The following ITPR2 variants were observed in gnomAD, a reference collection of about 807,000 sequenced individuals.
ITPR2 encodes inositol 1,4,5-trisphosphate-gated calcium channel ITPR2.
In ITPR2, 207 loss-of-function variants were observed where a neutral mutation model predicts 317.1. The observed-to-expected ratio is 0.65, with a 90% CI of 0.58 to 0.73. The LOEUF (loss-of-function observed/expected upper bound fraction) is 0.73, where lower values mean the gene tolerates loss of function less well. ITPR2 is among the 30% of genes least tolerant of loss of function. The probability of loss-of-function intolerance (pLI) is 0.00; values close to 1 mark genes in which losing one functional copy is unlikely to be tolerated. For synonymous variants in ITPR2, 1,156 were observed against 1,149.1 expected (o/e 1.01, Z -0.12); for missense variants, 2,613 against 3,284.0 (o/e 0.80, Z 4.99).
In ITPR2 at chr12:26,599,289, G is replaced by A. The variant is rs776807232; in HGVS notation, c.3858C>T (p.Asn1286=). The A allele has an allele frequency of 9.3e-6, 15 of 1,613,930 alleles. No homozygotes were observed. Among genetic ancestry groups the A allele is most frequent in the South Asian group, 3.3e-5 (3 of 91,086 alleles). ...GTTGTACAACTCTCTCGCTAATTTC[G>A]TTGCACAGATGGTAATTGTTCATGA... ...HIFMNNYHLC[N]EISERVVQHF... The change falls in exon 30 of 57, where the codon AAC becomes AAT. Residue 1286 remains asparagine (N), a synonymous_variant. Transcript: ENST00000381340.
intron 32 of ITPR2, among the ~76,000 whole-genome samples, chr12:26,587,393 T>C (rs190832493): frequency 2.4e-4 from 36 of 152,084 alleles, no homozygotes; most frequent in Admixed American, 2.4e-3. Context: ...TATAGGGTGG[T>C]TGGCAAAGCC....
chr12:26,586,899 A>G (rs888506284), intron 32 of ITPR2, among the ~76,000 whole-genome samples: 2 of 152,146 alleles, frequency 1.3e-5, no homozygotes, highest in African/African-American at 4.8e-5. Flanking sequence ...TTGTCATAAT[A>G]GTGGCAATAG....
At chr12:26,612,605 C>T (rs1449947036) in intron 26 of ITPR2, among the ~76,000 whole-genome samples, 1 of 152,144 alleles carries the variant, frequency 6.6e-6, no homozygotes, top group African/African-American at 2.4e-5. Context: ...TATATAGGTA[C>T]CATTCTCCCA....
chr12:26,592,084 T>C (rs979625657), intron 32 of ITPR2, among the ~76,000 whole-genome samples: 1 of 152,124 alleles, frequency 6.6e-6, no homozygotes, highest in Non-Finnish European at 1.5e-5. Flanking sequence ...AAGAATGTGA[T>C]CCAGTCATCT....
chr12:26,649,278 GC>G (rs1250795566), intron 21 of ITPR2: 2 of 151,944 alleles, frequency 1.3e-5, no homozygotes, highest in Non-Finnish European at 2.9e-5. Context: ...TAGACATCAT[GC>G]CCTTTCAACT....
chr12:26,542,241 C>A (rs1944283755), intron 37 of ITPR2, among the ~76,000 whole-genome samples: 1 of 152,192 alleles, frequency 6.6e-6, no homozygotes, highest in Admixed American at 6.5e-5. Context: ...ATGGATTATG[C>A]TTTCCAGTAC....
intron 2 of ITPR2, among the ~76,000 whole-genome samples, chr12:26,759,747 A>G (rs993571197): frequency 1.3e-5 from 2 of 152,238 alleles, no homozygotes; most frequent in Admixed American, 6.5e-5. Context: ...CCTCCACATC[A>G]TCTTTTCTAA....
rs1946231569 is a variant in ITPR2, at chr12:26,610,254, A to T, written c.3463-7548T>A. Among the ~76,000 whole-genome samples the T allele has an allele frequency of 1.3e-5, 2 of 152,226 alleles. 1 individual carries two copies. Among genetic ancestry groups the T allele is most frequent in the South Asian group, 4.1e-4 (2 of 4,836 alleles). The stretch of plus-strand genomic sequence containing the variant: ...ATCGATCACAAGTTTGGCTGAAGAA[A>T]CAAGTTTATGTAGAACTATTTTCCC... On this transcript the variant is annotated intron_variant, in intron 26 of 56. Coordinates refer to ENST00000381340, the MANE Select transcript of ITPR2 (RefSeq NM_002223.4).
At position 26,487,174 on chromosome 12, in the gene ITPR2, A is replaced by T. The variant is rs778926866; in HGVS notation, c.5448T>A (p.Ala1816=). 2 of 1,613,270 alleles carry T rather than the reference A, an allele frequency of 1.2e-6. No individual in the cohort carries two copies. The highest frequency in any genetic ancestry group is 1.7e-6 in the Non-Finnish European group (2 of 1,179,604). The change falls in exon 40 of 57, where the codon GCT becomes GCA. Residue 1816 remains alanine, a synonymous_variant. Transcript: ENST00000381340. The part of the protein sequence containing the change: ...FFKVLYDRMK[A]AQKEIRSTVT... ...CTGTTGATCTTATTTCTTTCTGAGC[A>T]GCCTTCATTCGATCATAGAGAACTT...
intron 23 of ITPR2, among the ~76,000 whole-genome samples, chr12:26,626,903 C>A (rs1398978115): frequency 6.6e-6 from 1 of 151,988 alleles, no homozygotes; most frequent in Non-Finnish European, 1.5e-5. Flanking sequence ...CCGGCTAAAT[C>A]TTCAATAAGA....
chr12:26,633,812 C>T (rs1288123638), intron 21 of ITPR2, among the ~76,000 whole-genome samples: 1 of 152,208 alleles, frequency 6.6e-6, no homozygotes, highest in Non-Finnish European at 1.5e-5. Flanking sequence ...CCAAGAGATG[C>T]TTTCTCACTA....
At chr12:26,352,346 A>G (rs1938508698) in intron 55 of ITPR2, among the ~76,000 whole-genome samples, 1 of 152,226 alleles carries the variant, frequency 6.6e-6, no homozygotes, top group Admixed American at 6.5e-5. Context: ...TCCAGCACTC[A>G]ACAATGGCAC....
At chr12:26,611,169 G>T (rs150892844) in intron 26 of ITPR2, among the ~76,000 whole-genome samples, 32 of 152,304 alleles carry the variant, frequency 2.1e-4, no homozygotes, top group Non-Finnish European at 4.1e-4. Flanking sequence ...CTGCTGAGGG[G>T]AAGAAGCCAC....
chr12:26,540,997 G>A (rs991070559), intron 37 of ITPR2, among the ~76,000 whole-genome samples: 4 of 151,860 alleles, frequency 2.6e-5, no homozygotes, highest in African/African-American at 7.3e-5. Context: ...ACCACTTAGC[G>A]ACATAGCACA....
intron 35 of ITPR2, among the ~76,000 whole-genome samples, chr12:26,559,472 A>G (rs1183140216): frequency 1.3e-5 from 2 of 152,192 alleles, no homozygotes; most frequent in East Asian, 3.8e-4. Flanking sequence ...GTGTCCTCAC[A>G]TGGTAGAAGG....
At chr12:26,409,651 G>A (rs1722590965) in intron 52 of ITPR2, among the ~76,000 whole-genome samples, 1 of 151,986 alleles carries the variant, frequency 6.6e-6, no homozygotes, top group South Asian at 2.1e-4. Context: ...TATAAAACTA[G>A]AGCAAGTCAT....
At chr12:26,583,769 T>C (rs1442644431) in intron 32 of ITPR2, among the ~76,000 whole-genome samples, 3 of 152,168 alleles carry the variant, frequency 2.0e-5, no homozygotes, top group Non-Finnish European at 2.9e-5. Flanking sequence ...ATCTCTAATA[T>C]ACTCCATGGA....
At chr12:26,430,497 C>T (rs1029062716) in intron 48 of ITPR2, among the ~76,000 whole-genome samples, 1 of 152,288 alleles carries the variant, frequency 6.6e-6, no homozygotes, top group South Asian at 2.1e-4. Flanking sequence ...CTCCTGACCT[C>T]AGGTGATCCA....
intron 37 of ITPR2, among the ~76,000 whole-genome samples, chr12:26,521,259 CATG>C (rs1457421117): frequency 2.6e-5 from 4 of 152,012 alleles, no homozygotes; most frequent in African/African-American, 7.2e-5. Context: ...TTCAGAAAAC[CATG>C]ATACTGTATT....
Sources: allele counts gnomAD v4.1 joint callset (sites outside exome capture counted in the v4.1 genomes callset), GRCh38; gene constraint gnomAD v4.1.1; transcripts MANE v1.5; gene names NCBI Gene and HGNC (gene_info 2026-07-23, HGNC 2026-07-21).